Variants in MICU3 observed in about 807,000 individuals in gnomAD.
MICU3 encodes mitochondrial calcium uptake 3.
A neutral mutation model predicts 66.5 loss-of-function variants in MICU3; 62 were observed. The ratio of observed to expected loss-of-function variants is 0.93; its 90% CI spans 0.76 to 1.15. The LOEUF is 1.15. MICU3 is among the 50% of genes most tolerant of loss of function. The pLI is 0.00. For synonymous variants in MICU3, 308 were observed against 240.7 expected, an observed-to-expected ratio of 1.28 and a Z score of -2.59; for missense variants, 779 against 664.4, an observed-to-expected ratio of 1.17 and a Z score of -1.90.
chr8:17,106,994 T>C (rs1358090990), intron 11 of MICU3, among the ~76,000 whole-genome samples: 1 of 152,120 alleles, frequency 6.6e-6, no homozygotes, highest in African/African-American at 2.4e-5. Flanking sequence ...GCTACTAATA[T>C]TTGAATAGCC....
chr8:17,030,843 A>G (rs769961926), intron 1 of MICU3, among the ~76,000 whole-genome samples: 12 of 152,150 alleles, frequency 7.9e-5, no homozygotes, highest in Non-Finnish European at 1.3e-4. Flanking sequence ...TGGTCTCTGC[A>G]GAACTCAGGT....
intron 1 of MICU3, among the ~76,000 whole-genome samples, chr8:17,037,111 C>T (rs1222279551): frequency 1.3e-5 from 2 of 152,162 alleles, no homozygotes; most frequent in Non-Finnish European, 1.5e-5. Flanking sequence ...GCTGCTCCGA[C>T]TGCGGGGCCT....
chr8:17,063,587 C>G (rs2150629620), intron 1 of MICU3, among the ~76,000 whole-genome samples: 1 of 152,204 alleles, frequency 6.6e-6, no homozygotes, highest in Non-Finnish European at 1.5e-5. Context: ...AATTTCACTT[C>G]TAATCTAAAT....
chr8:17,027,813 A>G (rs1215361230), intron 1 of MICU3, among the ~76,000 whole-genome samples, 153 bp downstream of exon 1: 1 of 152,188 alleles, frequency 6.6e-6, no homozygotes, highest in African/African-American at 2.4e-5. Context: ...CGGACAGCCT[A>G]GGATCCGGTC....
intron 12 of MICU3, among the ~76,000 whole-genome samples, chr8:17,115,213 C>T (rs1179654755): frequency 6.6e-6 from 1 of 151,748 alleles, no homozygotes; most frequent in Admixed American, 6.6e-5. Context: ...ATTTCTCTTT[C>T]CCAAAAACAT....
At chr8:17,065,772 G>C (rs536474222) in intron 2 of MICU3, among the ~76,000 whole-genome samples, 1 of 152,208 alleles carries the variant, frequency 6.6e-6, no homozygotes, top group East Asian at 1.9e-4. Flanking sequence ...GCAGGAGTGA[G>C]TAGCAGATGA....
intron 1 of MICU3, among the ~76,000 whole-genome samples, chr8:17,060,395 A>T (rs3850757): frequency 0.61 from 92,117 of 151,484 alleles, 29,885 homozygotes; most frequent in African/African-American, 0.83. Context: ...CTCCCGGGTT[A>T]CGAGTGATTT....
rs553828689 is a variant in MICU3, at chr8:17,099,511, G to A, written c.984+958G>A. ...AACACTTGAAAATGTTAATTTTGTC[G>A]CCCTTGCTCAGTTTTAAAGTCCCAA... On this transcript the variant is annotated intron_variant, in intron 9 of 14. Transcript: ENST00000318063. Among the ~76,000 whole-genome samples, 22 of 151,740 alleles carry A rather than the reference G, an allele frequency of 1.4e-4. No homozygotes were observed. In the South Asian group the frequency reaches 2.3e-3, roughly 16 times the overall value.
chr8:17,089,581 AAGAG>A (rs910340266), intron 7 of MICU3, among the ~76,000 whole-genome samples: 9 of 152,164 alleles, frequency 5.9e-5, no homozygotes, highest in African/African-American at 1.9e-4. Context: ...TGAATTACAT[AAGAG>A]AGAGAGCATA....
At chr8:17,135,153 C>T in the MICU3 span, among the ~76,000 whole-genome samples, 2 of 152,132 alleles carry the variant, frequency 1.3e-5, no homozygotes, top group African/African-American at 4.8e-5. Flanking sequence ...GTAATCCCAG[C>T]ACTTTGAAAG....
At position 17,122,232 on chromosome 8, in the gene MICU3, A is replaced by G. The variant is rs535509595; in HGVS notation, c.*1945A>G. 6.6e-6 allele frequency: 1 copy of G among 151,976 alleles called. No homozygotes were observed. Among genetic ancestry groups the G allele is most frequent in the African/African-American group, 2.4e-5 (1 of 41,556 alleles). 9.4% of individuals were successfully genotyped at this position (151,976 alleles called of 1,614,324 possible). A position where few individuals can be genotyped will look rare whatever the true frequency, so the allele number is the denominator to read the frequency against. On this transcript the variant is annotated 3_prime_UTR_variant, in exon 15 of 15. Coordinates refer to ENST00000318063, the MANE Select transcript of MICU3 (RefSeq NM_181723.3). ...TGTGAATAAATAAATGTTCTGATAAAATAGAAAAGAAAGTAAATTACAGTG... is the reference window on the plus strand; with the variant it reads ...TGTGAATAAATAAATGTTCTGATAAGATAGAAAAGAAAGTAAATTACAGTG...
At chr8:17,065,629 A>G (rs1818561785) in intron 2 of MICU3, among the ~76,000 whole-genome samples, 1 of 152,282 alleles carries the variant, frequency 6.6e-6, no homozygotes, top group East Asian at 1.9e-4. Context: ...AAATAGCCAG[A>G]ATTGCCAATT....
At chr8:17,135,541 C>T in the MICU3 span, among the ~76,000 whole-genome samples, 3 of 151,996 alleles carry the variant, frequency 2.0e-5, no homozygotes, top group Non-Finnish European at 4.4e-5. Context: ...CTTAGGTTTT[C>T]TGGTGGGCAG....
chr8:17,070,603 T>C (rs1482664001), intron 3 of MICU3, among the ~76,000 whole-genome samples: 1 of 151,732 alleles, frequency 6.6e-6, no homozygotes, highest in Non-Finnish European at 1.5e-5. Context: ...TAACTTTAAA[T>C]TGCATATATA....
At chr8:17,093,325 T>G (rs1304206659) in intron 8 of MICU3, among the ~76,000 whole-genome samples, 2 of 152,048 alleles carry the variant, frequency 1.3e-5, no homozygotes, top group East Asian at 3.9e-4. Context: ...TCTCCTAGTT[T>G]CATTGCTGAC....
At chr8:17,114,048 A>T in intron 11 of MICU3, 45 bp from the exon 12 acceptor site, 1 of 1,152,152 alleles carries the variant, frequency 8.7e-7, no homozygotes. Flanking sequence ...GATTTTAATA[A>T]ATTTGGCAAT....
At chr8:17,080,737 C>T (rs544890689) in intron 4 of MICU3, among the ~76,000 whole-genome samples, 1 of 152,208 alleles carries the variant, frequency 6.6e-6, no homozygotes, top group South Asian at 2.1e-4. Flanking sequence ...GGCTAGTGCC[C>T]TTCATGTCTC....
At chr8:17,066,517 C>CA (rs369253171) in intron 2 of MICU3, among the ~76,000 whole-genome samples, 1 of 105,062 alleles carries the variant, frequency 9.5e-6, no homozygotes, top group Non-Finnish European at 1.8e-5. Context: ...TGTTAATAAT[C>CA]TATATATATA....
chr8:17,098,607 G>A, intron 9 of MICU3, 54 bp downstream of exon 9: 1 of 1,171,522 alleles, frequency 8.5e-7, no homozygotes, highest in East Asian at 2.3e-5. Context: ...TGTTAATCTA[G>A]TCGTCATTTC....
Sources: gnomAD v4.1 joint callset for allele counts (sites outside exome capture counted in the v4.1 genomes callset) on GRCh38, gnomAD v4.1.1 for gene constraint, MANE v1.5 for transcripts, NCBI Gene and HGNC (gene_info 2026-07-23, HGNC 2026-07-21) for gene names.